MAPK6: variants seen among roughly 807,000 people sequenced by gnomAD.
MAPK6 encodes mitogen-activated protein kinase 6.
Under a neutral mutation model 59.3 loss-of-function variants are expected in MAPK6, and 19 were observed. That is an observed-to-expected ratio of 0.32 (90% CI 0.22 to 0.47). The LOEUF (loss-of-function observed/expected upper bound fraction) is 0.47. Among genes scored for constraint, MAPK6 ranks in the 20% least tolerant of loss-of-function variants. The probability of loss-of-function intolerance (pLI) is 1.00; values close to 1 mark genes in which losing one functional copy is unlikely to be tolerated. For synonymous variants in MAPK6, 316 were observed against 290.3 expected, an observed-to-expected ratio of 1.09 and a Z score of -0.90; for missense variants, 724 against 847.9, an observed-to-expected ratio of 0.85 and a Z score of 1.81.
intron 3 of MAPK6, among the ~76,000 whole-genome samples, chr15:52,008,093 C>T (rs577105018): frequency 1.3e-5 from 2 of 152,014 alleles, no homozygotes; most frequent in Admixed American, 6.6e-5. Flanking sequence ...GTGATCCACC[C>T]GCCTCAGCCT....
intron 1 of MAPK6, among the ~76,000 whole-genome samples, chr15:51,972,761 G>T (rs1334390484): frequency 1.3e-5 from 2 of 151,056 alleles, no homozygotes; most frequent in East Asian, 1.9e-4. Context: ...GGCGGAGCTT[G>T]CAGTGAGCCG....
intron 3 of MAPK6, chr15:52,011,595 A>G (rs942461617): frequency 6.6e-6 from 1 of 152,246 alleles, no homozygotes; most frequent in African/African-American, 2.4e-5. Context: ...AATACACATA[A>G]AACAAGATTA....
At position 51,995,956 on chromosome 15, in the gene MAPK6, G is replaced by C. The variant is rs7176582; in HGVS notation, c.-769-8309G>C. ...AAAAAAGAAAGAAGGAAAGAAAGAA[G>C]GAAAAAAACAACTTACAGGCTTTCT... On this transcript the variant is annotated intron_variant, in intron 2 of 7. Coordinates refer to the MAPK6 transcript ENST00000691380. Among the ~76,000 whole-genome samples the C allele has an allele frequency of 6.2e-4, 94 of 151,080 alleles. 2 individuals are homozygous for C. In the South Asian group the frequency reaches 0.019, roughly 31 times the overall value.
chr15:51,998,906 G>C (rs2057234166), intron 2 of MAPK6, among the ~76,000 whole-genome samples: 1 of 149,224 alleles, frequency 6.7e-6, no homozygotes, highest in African/African-American at 2.5e-5. Flanking sequence ...TAGTCAGGAT[G>C]GTCTTGATCT....
intron 2 of MAPK6, among the ~76,000 whole-genome samples, chr15:52,003,108 A>G (rs551848316): frequency 2.6e-5 from 4 of 151,760 alleles, no homozygotes; most frequent in African/African-American, 9.7e-5. Context: ...AATTGCTTGA[A>G]CTCAGGAGGC....
upstream of MAPK6, among the ~76,000 whole-genome samples, chr15:52,016,075 C>A (rs1188856766): frequency 1.5e-5 from 2 of 131,812 alleles, no homozygotes; most frequent in African/African-American, 5.9e-5. Context: ...CGCGCGCACA[C>A]ACACACACAC....
intron 4 of MAPK6, among the ~76,000 whole-genome samples, chr15:52,060,848 CTA>C (rs2032172803): frequency 6.6e-6 from 1 of 152,206 alleles, no homozygotes; most frequent in African/African-American, 2.4e-5. Flanking sequence ...ATACCAGACA[CTA>C]TGATTACATC....
rs200525670 is a variant in MAPK6, at chr15:52,046,932, C to A, written c.472C>A (p.Leu158Ile). ...GCACAGAGATCTCAAACCAGCTAAT[C>A]TTTTCATTAATACGGAAGACTTGGT... ...VLHRDLKPAN[L>I]FINTEDLVLK... The change falls in exon 2 of 6, where the codon CTT (leucine) becomes ATT (isoleucine). Residue 158 changes from leucine to isoleucine, a missense_variant. Leu to Ile is a conservative substitution (Grantham distance 5). Coordinates refer to ENST00000261845, the MANE Select transcript of MAPK6 (RefSeq NM_002748.4). 1.2e-6 allele frequency: 2 copies of A among 1,613,676 alleles called. No homozygotes were observed. The highest frequency in any genetic ancestry group is 1.7e-6 in the Non-Finnish European group (2 of 1,179,836).
At chr15:52,015,736 GT>G (rs1054268069), upstream of MAPK6, among the ~76,000 whole-genome samples, 55 of 149,940 alleles carry the variant, frequency 3.7e-4, no homozygotes, top group African/African-American at 1.3e-3. Context: ...ACAGGCGTGA[GT>G]CCGCGCCCAG....
intron 3 of MAPK6, among the ~76,000 whole-genome samples, chr15:52,012,227 C>CT (rs890491314): frequency 1.3e-5 from 2 of 152,208 alleles, no homozygotes; most frequent in African/African-American, 2.4e-5. Flanking sequence ...ATTCTCACAT[C>CT]TTTTTTTCAG....
At chr15:52,016,108 A>ACACACACACACACAC (rs1233223251), upstream of MAPK6, among the ~76,000 whole-genome samples, 3 of 133,620 alleles carry the variant, frequency 2.2e-5, no homozygotes, top group Non-Finnish European at 3.1e-5. Flanking sequence ...ACACACACAC[A>ACACACACACACACAC]AACTAAAACT....
chr15:51,979,940 ATTACT>A (rs2057168324), intron 1 of MAPK6, among the ~76,000 whole-genome samples: 1 of 151,876 alleles, frequency 6.6e-6, no homozygotes, highest in African/African-American at 2.4e-5. Flanking sequence ...GAAGAGAAAC[ATTACT>A]TTACACTCTG....
intron 1 of MAPK6, among the ~76,000 whole-genome samples, chr15:52,041,965 C>G (rs762800701): frequency 2.6e-5 from 4 of 152,218 alleles, no homozygotes; most frequent in Non-Finnish European, 5.9e-5. Flanking sequence ...GAGCCCAAGT[C>G]TCTCTTTACT....
intron 1 of MAPK6, among the ~76,000 whole-genome samples, chr15:52,034,728 TC>T (rs1192252389): frequency 1.3e-5 from 2 of 151,836 alleles, no homozygotes; most frequent in Non-Finnish European, 2.9e-5. Context: ...GATGGAATCT[TC>T]CTCTGTTGCC....
At chr15:51,971,830 C>A (rs2057127490) in exon 1 of MAPK6, 1 of 1,399,736 alleles carries the variant, frequency 7.1e-7, no homozygotes, top group Non-Finnish European at 1.0e-6. Context: ...ACGACAGTGT[C>A]GCAAAGATTC....
intron 1 of MAPK6, chr15:51,971,943 A>C: frequency 1.8e-5 from 10 of 549,688 alleles, no homozygotes; most frequent in East Asian, 3.3e-5. Context: ...TTTCGTCAAT[A>C]TCTGTTATTT....
intron 1 of MAPK6, among the ~76,000 whole-genome samples, chr15:51,978,833 T>C (rs901102609): frequency 4.6e-5 from 7 of 151,686 alleles, no homozygotes; most frequent in African/African-American, 1.7e-4. Flanking sequence ...GTCAAGAATT[T>C]GAAGGGGCCA....
chr15:52,064,095 A>T lies in MAPK6; in HGVS notation c.1261A>T (p.Thr421Ser). Reference protein sequence around the residue: ...EDPAFDTNYSTEPCWQYSDHH... With the variant: ...EDPAFDTNYSSEPCWQYSDHH... ...TCCTGCTTTTGATACCAATTACTCT[A>T]CTGAGCCTTGTTGGCAATACTCAGA... Residue 421 changes from threonine (T) to serine (S), a missense_variant, in exon 6 of 6, where the codon ACT becomes TCT. Coordinates refer to ENST00000261845, the MANE Select transcript of MAPK6 (RefSeq NM_002748.4). 1.2e-6 allele frequency: 2 copies of T among 1,612,326 alleles called. No homozygotes were observed. Among genetic ancestry groups the T allele is most frequent in the Non-Finnish European group, 1.7e-6 (2 of 1,178,932 alleles).
At position 51,992,041 on chromosome 15, in the gene MAPK6, C is replaced by T. The variant is rs74459878; in HGVS notation, c.-770+8726C>T. Among the ~76,000 whole-genome samples, 387 of 152,130 alleles carry T rather than the reference C, an allele frequency of 2.5e-3. 4 individuals are homozygous for T. Among genetic ancestry groups the T allele is most frequent in the East Asian group, 0.011 (59 of 5,168 alleles). On this transcript the variant is annotated intron_variant, in intron 2 of 7. Coordinates refer to the MAPK6 transcript ENST00000691380. ...GCTTGATCACAGTTCACTGCAGCCT[C>T]GACATCCCAGGCTCCAGTGATCCTC...
Sources: gnomAD v4.1 joint callset for allele counts (sites outside exome capture counted in the v4.1 genomes callset) on GRCh38, gnomAD v4.1.1 for gene constraint, MANE v1.5 for transcripts, NCBI Gene and HGNC (gene_info 2026-07-23, HGNC 2026-07-21) for gene names.